COL19A1: variants seen among roughly 807,000 people sequenced by gnomAD.
The protein encoded by COL19A1 is collagen type XIX alpha 1 chain, also known as collagen alpha-1(XIX) chain.
In COL19A1, 159 loss-of-function variants were observed where a neutral mutation model predicts 190.2. The observed-to-expected ratio is 0.84, with a 90% CI of 0.73 to 0.95. The LOEUF (loss-of-function observed/expected upper bound fraction) is 0.95, where lower values mean the gene tolerates loss of function less well. Ranked by LOEUF, COL19A1 falls within the 40% of genes least tolerant of loss-of-function variation. The pLI is 0.00. For synonymous variants in COL19A1, 509 were observed against 458.9 expected, an observed-to-expected ratio of 1.11 and a Z score of -1.39; for missense variants, 1,418 against 1,431.9, an observed-to-expected ratio of 0.99 and a Z score of 0.16.
At chr6:70,028,882 C>A (rs1379681765) in intron 12 of COL19A1, among the ~76,000 whole-genome samples, 1 of 152,010 alleles carries the variant, frequency 6.6e-6, no homozygotes, top group Non-Finnish European at 1.5e-5. Context: ...TATTAGAAAC[C>A]AAGTTAAATA....
chr6:69,924,556 T>C (rs1772226502), intron 4 of COL19A1, among the ~76,000 whole-genome samples: 2 of 152,196 alleles, frequency 1.3e-5, no homozygotes, highest in Admixed American at 1.3e-4. Flanking sequence ...AGTGCCGCAA[T>C]AAACATATGT....
chr6:69,964,944 A>G (rs1281659972), intron 11 of COL19A1, among the ~76,000 whole-genome samples: 1 of 152,208 alleles, frequency 6.6e-6, no homozygotes, highest in Admixed American at 6.5e-5. Flanking sequence ...TTAGCATGCT[A>G]CATATTCTGA....
At chr6:70,107,986 G>A (rs1784071265) in intron 16 of COL19A1, among the ~76,000 whole-genome samples, 1 of 152,120 alleles carries the variant, frequency 6.6e-6, no homozygotes, top group Admixed American at 6.6e-5. Flanking sequence ...GAAAGTAATA[G>A]ACTTATGTTA....
intron 2 of COL19A1, among the ~76,000 whole-genome samples, chr6:69,897,482 CACACA>C (rs752971317): frequency 3.4e-4 from 51 of 152,054 alleles, no homozygotes; most frequent in African/African-American, 1.0e-3. Context: ...CACACACACA[CACACA>C]CCCCATACTG....
chr6:69,998,216 G>A (rs947487860), intron 11 of COL19A1, among the ~76,000 whole-genome samples: 1 of 152,166 alleles, frequency 6.6e-6, no homozygotes, highest in African/African-American at 2.4e-5. Flanking sequence ...TATAAGAGTT[G>A]CTAAAGAAGT....
At chr6:70,052,462 A>G (rs536355036) in intron 14 of COL19A1, among the ~76,000 whole-genome samples, 4 of 152,286 alleles carry the variant, frequency 2.6e-5, no homozygotes, top group South Asian at 2.1e-4. Context: ...TTTGTTTACC[A>G]CACCATGGCT....
At chr6:69,887,073 T>A (rs7756266) in intron 2 of COL19A1, among the ~76,000 whole-genome samples, 2,767 of 152,340 alleles carry the variant, frequency 0.018, 92 homozygotes, top group African/African-American at 0.063. Flanking sequence ...TTGAATTCCA[T>A]TCATTTCAAA....
intron 24 of COL19A1, among the ~76,000 whole-genome samples, chr6:70,144,547 C>A (rs757510653): frequency 2.2e-4 from 33 of 152,170 alleles, no homozygotes; most frequent in Non-Finnish European, 3.4e-4. Flanking sequence ...CTTAATCTTG[C>A]AGGATCTGTT....
intron 2 of COL19A1, among the ~76,000 whole-genome samples, chr6:69,894,876 A>T (rs1271570289): frequency 6.6e-6 from 1 of 152,242 alleles, no homozygotes; most frequent in African/African-American, 2.4e-5. Context: ...TTACAGAAAA[A>T]ATAAACAGTG....
chr6:70,076,570 C>A (rs1318775314), intron 15 of COL19A1, among the ~76,000 whole-genome samples: 1 of 152,118 alleles, frequency 6.6e-6, no homozygotes, highest in South Asian at 2.1e-4. Context: ...AGTGAGGGAC[C>A]AGGGGGAGAG....
At chr6:70,183,695 A>G (rs1043714043) in intron 44 of COL19A1, among the ~76,000 whole-genome samples, 1 of 152,228 alleles carries the variant, frequency 6.6e-6, no homozygotes, top group Non-Finnish European at 1.5e-5. Context: ...AGGTTGGCGA[A>G]CTATGGTTGG....
Position 70,212,215 on chromosome 6 carries a change from GTGTAT to G in COL19A1, c.*4943_*4947del, listed in dbSNP as rs1353764505. 6.6e-6 allele frequency among the ~76,000 whole-genome samples: 1 copy of G among 152,058 alleles called. No homozygotes were observed. Among genetic ancestry groups the G allele is most frequent in the Non-Finnish European group, 1.5e-5 (1 of 68,004 alleles). ...TGTCTTTAAATTCAGGTTGTATTGG[GTGTAT>G]TTTACAACTATTTATTTTTAAATAA... On this transcript the variant is annotated 3_prime_UTR_variant, in exon 51 of 51. Coordinates refer to ENST00000620364, the MANE Select transcript of COL19A1 (RefSeq NM_001858.6).
At chr6:70,002,170 T>C (rs888274693) in intron 11 of COL19A1, among the ~76,000 whole-genome samples, 2 of 152,194 alleles carry the variant, frequency 1.3e-5, no homozygotes, top group African/African-American at 2.4e-5. Flanking sequence ...ATTTCATTTA[T>C]TGATTTGCAC....
intron 35 of COL19A1, 51 bp from the exon 36 acceptor site, chr6:70,163,292 T>C: frequency 6.5e-7 from 1 of 1,536,018 alleles, no homozygotes; most frequent in Non-Finnish European, 9.0e-7. Flanking sequence ...CCAATACCCT[T>C]TGGCCATTTA....
At chr6:70,203,303 C>G (rs927478641) in intron 49 of COL19A1, among the ~76,000 whole-genome samples, 3 of 152,138 alleles carry the variant, frequency 2.0e-5, no homozygotes, top group Non-Finnish European at 4.4e-5. Context: ...TCGCATGCAC[C>G]CTGCATCAGT....
rs921217989 is a variant in COL19A1 at position 70,156,209 on chromosome 6, A to G, written c.2162A>G (p.Lys721Arg). ...GEEGGAGEPG[K>R]YDSMARKGDI... is the part of the protein sequence containing the mutation. ...GAAGGAGGTGCTGGTGAGCCTGGAA[A>G]GTATGATTCCATGGCCCGGAAGGTG... is the stretch of plus-strand genomic sequence containing the variant. Residue 721 changes from lysine (K) to arginine (R), a missense_variant, in exon 32 of 51, where the codon AAG (lysine) becomes AGG (arginine). Coordinates refer to ENST00000620364, the MANE Select transcript of COL19A1 (RefSeq NM_001858.6). The G allele has an allele frequency of 6.2e-7, 1 of 1,613,376 alleles. No individual in the cohort carries two copies. Among genetic ancestry groups the G allele is most frequent in the South Asian group, 1.1e-5 (1 of 91,072 alleles).
At chr6:69,961,473 T>C (rs958025974) in intron 10 of COL19A1, among the ~76,000 whole-genome samples, 2 of 152,222 alleles carry the variant, frequency 1.3e-5, no homozygotes, top group Non-Finnish European at 2.9e-5. Context: ...CAGCTGTTTG[T>C]GGTGGCTGCA....
chr6:70,044,846 T>A (rs1340256776), intron 14 of COL19A1, among the ~76,000 whole-genome samples: 1 of 152,236 alleles, frequency 6.6e-6, no homozygotes, highest in Non-Finnish European at 1.5e-5. Flanking sequence ...TTTGTTAATT[T>A]CCATTCTGCT....
chr6:70,206,810 A>T (rs1767892012), intron 49 of COL19A1, 91 bp from the exon 50 acceptor site: 1 of 1,071,504 alleles, frequency 9.3e-7, no homozygotes, highest in East Asian at 2.5e-5. Context: ...GTATCACATA[A>T]TTATCACAGA....
Sources: allele counts gnomAD v4.1 joint callset (sites outside exome capture counted in the v4.1 genomes callset), GRCh38; gene constraint gnomAD v4.1.1; transcripts MANE v1.5; gene names NCBI Gene and HGNC (gene_info 2026-07-23, HGNC 2026-07-21).